DOCK9: variants seen among roughly 807,000 people sequenced by gnomAD.
The protein encoded by DOCK9 is dedicator of cytokinesis protein 9.
In DOCK9, 89 loss-of-function variants were observed where a neutral mutation model predicts 263.3. The observed-to-expected ratio is 0.34, with a 90% CI of 0.28 to 0.40. The LOEUF (loss-of-function observed/expected upper bound fraction) is 0.40, where lower values mean the gene tolerates loss of function less well. DOCK9 is among the 10% of genes least tolerant of loss of function. The probability of loss-of-function intolerance (pLI) is 1.00; values close to 1 mark genes in which losing one functional copy is unlikely to be tolerated. For missense variants in DOCK9, 2,140 were observed against 2,603.4 expected (o/e 0.82, Z 3.87); for synonymous variants, 976 against 973.1 (o/e 1.00, Z -0.06).
chr13:98,943,879 T>C (rs2056328080), intron 2 of DOCK9, among the ~76,000 whole-genome samples: 1 of 152,188 alleles, frequency 6.6e-6, no homozygotes, highest in African/African-American at 2.4e-5. Context: ...ACACAGTATA[T>C]ACTTCATAAA....
intron 1 of DOCK9, among the ~76,000 whole-genome samples, chr13:99,054,701 T>C (rs752834726): frequency 6.6e-6 from 1 of 152,252 alleles, no homozygotes; most frequent in Non-Finnish European, 1.5e-5. Context: ...ACCTTTGCCA[T>C]GTTAAGTTCT....
intron 17 of DOCK9, 35 bp downstream of exon 17, chr13:98,888,325 G>A (rs765277910): frequency 6.2e-7 from 1 of 1,606,678 alleles, no homozygotes; most frequent in Non-Finnish European, 8.5e-7. Flanking sequence ...GGGAGGGTTT[G>A]ACATCAAGAA....
chr13:98,859,805 A>T (rs2093810110), intron 33 of DOCK9: 1 of 150,704 alleles, frequency 6.6e-6, no homozygotes, highest in Admixed American at 6.6e-5. Flanking sequence ...AAGCTAGCAC[A>T]GGCGTTCATT....
At chr13:99,049,341 C>T (rs568757299) in intron 1 of DOCK9, among the ~76,000 whole-genome samples, 9 of 152,316 alleles carry the variant, frequency 5.9e-5, no homozygotes, top group Admixed American at 2.0e-4. Flanking sequence ...GCAGTGTGGT[C>T]AGCCTTGTCA....
chr13:98,872,930 G>T (rs2094225898), intron 27 of DOCK9, among the ~76,000 whole-genome samples: 1 of 152,146 alleles, frequency 6.6e-6, no homozygotes, highest in African/African-American at 2.4e-5. Flanking sequence ...TGCCTCACAT[G>T]GCTGCTCCCT....
chr13:99,073,186 C>T (rs1262945329), intron 1 of DOCK9, among the ~76,000 whole-genome samples: 2 of 152,120 alleles, frequency 1.3e-5, no homozygotes, highest in Non-Finnish European at 2.9e-5. Flanking sequence ...CATACCCTAC[C>T]ACGTGCTTTG....
intron 1 of DOCK9, among the ~76,000 whole-genome samples, chr13:99,039,218 T>C (rs1322038602): frequency 6.6e-6 from 1 of 152,154 alleles, no homozygotes; most frequent in Non-Finnish European, 1.5e-5. Context: ...TTGTTTTGTA[T>C]ACAAAATAAT....
intron 3 of DOCK9, 43 bp downstream of exon 3, chr13:98,930,125 A>C (rs1244013710): frequency 4.9e-5 from 75 of 1,546,144 alleles, no homozygotes; most frequent in Non-Finnish European, 6.3e-5. Flanking sequence ...CAGTTAGGGG[A>C]AAATGACTTC....
intron 45 of DOCK9, among the ~76,000 whole-genome samples, chr13:98,814,683 A>G (rs2140359272): frequency 6.6e-6 from 1 of 152,244 alleles, no homozygotes; most frequent in African/African-American, 2.4e-5. Context: ...TCATGCCTAT[A>G]ATCCCAGCAC....
intron 1 of DOCK9, among the ~76,000 whole-genome samples, chr13:99,069,494 C>A (rs1277447668): frequency 6.6e-6 from 1 of 152,220 alleles, no homozygotes; most frequent in East Asian, 1.9e-4. Flanking sequence ...CACTTGACAA[C>A]ACACAAGTGT....
At chr13:99,071,390 C>A (rs981259346) in intron 1 of DOCK9, among the ~76,000 whole-genome samples, 1 of 147,640 alleles carries the variant, frequency 6.8e-6, no homozygotes, top group African/African-American at 2.5e-5. Flanking sequence ...TCTACCTTGG[C>A]CTTCCAAAGT....
At chr13:99,023,849 A>G (rs751821045) in intron 1 of DOCK9, among the ~76,000 whole-genome samples, 26 of 152,182 alleles carry the variant, frequency 1.7e-4, no homozygotes, top group Non-Finnish European at 3.4e-4. Context: ...GAATGACTGC[A>G]TTGCACTTCC....
rs564859075 is a variant in DOCK9 at position 98,913,415 on chromosome 13, T to C, written c.960+913A>G. ...TACAAGGACAGTCATTGTAGCTTTG[T>C]TTATAATAGAAAAAAATGAAAATAA... On this transcript the variant is annotated intron_variant, in intron 9 of 52. Coordinates refer to ENST00000682017, the MANE Select transcript of DOCK9 (RefSeq NM_001366683.2). Among the ~76,000 whole-genome samples the C allele has an allele frequency of 4.5e-4, 69 of 152,220 alleles. 1 individual carries two copies. Among genetic ancestry groups the C allele is most frequent in the African/African-American group, 1.6e-3 (68 of 41,536 alleles).
At chr13:99,033,667 T>C (rs553045546) in intron 1 of DOCK9, among the ~76,000 whole-genome samples, 3 of 152,292 alleles carry the variant, frequency 2.0e-5, no homozygotes, top group South Asian at 2.1e-4. Flanking sequence ...ATCTCACCTA[T>C]TGCAACAGTG....
intron 27 of DOCK9, among the ~76,000 whole-genome samples, chr13:98,872,552 A>T (rs1327863408): frequency 1.3e-5 from 2 of 152,224 alleles, no homozygotes; most frequent in South Asian, 2.1e-4. Flanking sequence ...GATAACAGGC[A>T]TGTGTCACCA....
chr13:99,020,191 G>A lies in DOCK9; in HGVS notation c.130-64640C>T, dbSNP rs184951067. Among the ~76,000 whole-genome samples, 4 of 152,336 alleles carry A rather than the reference G, an allele frequency of 2.6e-5. No individual in the cohort carries two copies. In the East Asian group the frequency reaches 7.7e-4, roughly 29 times the overall value. The stretch of plus-strand genomic sequence containing the variant: ...GTTGTCAAGTTCAAATAAGGTAACA[G>A]GAGAGAACTCAACAAGAAATTGCTA... On this transcript the variant is annotated intron_variant, in intron 1 of 32. Coordinates refer to the DOCK9 transcript ENST00000427887.
At chr13:99,005,316 C>T (rs534973997) in intron 1 of DOCK9, among the ~76,000 whole-genome samples, 29 of 152,308 alleles carry the variant, frequency 1.9e-4, no homozygotes, top group South Asian at 1.7e-3. Flanking sequence ...CAGCAACTTA[C>T]GCAGTACAGT....
intron 1 of DOCK9, among the ~76,000 whole-genome samples, chr13:98,996,094 G>C (rs1365382021): frequency 6.6e-6 from 1 of 152,216 alleles, no homozygotes; most frequent in Non-Finnish European, 1.5e-5. Flanking sequence ...TTAAATAGCA[G>C]ATGGCATATG....
chr13:99,034,596 G>T (rs1322975762), intron 1 of DOCK9, among the ~76,000 whole-genome samples: 1 of 152,188 alleles, frequency 6.6e-6, no homozygotes, highest in African/African-American at 2.4e-5. Context: ...GGATGGAGAG[G>T]TGACAAAAAG....
Sources: allele counts gnomAD v4.1 joint callset (sites outside exome capture counted in the v4.1 genomes callset), GRCh38; gene constraint gnomAD v4.1.1; transcripts MANE v1.5; gene names NCBI Gene and HGNC (gene_info 2026-07-23, HGNC 2026-07-21).